COL6A1: variants seen among roughly 807,000 people sequenced by gnomAD.
COL6A1 encodes the protein collagen alpha-1(VI) chain.
A neutral mutation model predicts 145.6 loss-of-function variants in COL6A1; 80 were observed. That is an observed-to-expected ratio of 0.55 (90% CI 0.46 to 0.66). The LOEUF (loss-of-function observed/expected upper bound fraction) is 0.66, where lower values mean the gene tolerates loss of function less well. Among genes scored for constraint, COL6A1 ranks in the 30% least tolerant of loss-of-function variants. The pLI, the probability that COL6A1 is intolerant of heterozygous loss-of-function variation, is 0.00. For synonymous variants in COL6A1, 638 were observed against 622.8 expected (o/e 1.02, Z -0.36); for missense variants, 1,364 against 1,473.8 (o/e 0.93, Z 1.22).
chr21:45,998,785 G>C, intron 24 of COL6A1, 112 bp from the exon 25 acceptor site: 1 of 1,266,132 alleles, frequency 7.9e-7, no homozygotes, highest in Non-Finnish European at 1.1e-6. Flanking sequence ...GTGTGGTGGG[G>C]GAAGGGAAGA....
intron 8 of COL6A1, 21 bp from the exon 9 acceptor site, chr21:45,989,063 T>C (rs755202611): frequency 1.9e-6 from 3 of 1,610,656 alleles, no homozygotes; most frequent in East Asian, 2.2e-5. Context: ...TGCCCCAACC[T>C]TGACCTGTTT....
intron 8 of COL6A1, among the ~76,000 whole-genome samples, chr21:45,988,759 A>G (rs889780751): frequency 5.9e-5 from 9 of 152,056 alleles, no homozygotes; most frequent in African/African-American, 2.2e-4. Flanking sequence ...AAAACCATCA[A>G]ACCCAGCAGC....
In COL6A1 at chr21:46,004,121, T is replaced by C; in HGVS notation, c.*108T>C. On this transcript the variant is annotated 3_prime_UTR_variant, in exon 35 of 35. Coordinates refer to ENST00000361866, the MANE Select transcript of COL6A1 (RefSeq NM_001848.3). ...TTCCCGACCAACCTGATTCGCTAGA[T>C]TTTTTTTAAGGAAAAGCTTGGAAAG... is the stretch of plus-strand genomic sequence containing the variant. The C allele has an allele frequency of 6.9e-7, 1 of 1,449,068 alleles. No individual in the cohort carries two copies. Among genetic ancestry groups the C allele is most frequent in the Non-Finnish European group, 9.5e-7 (1 of 1,052,270 alleles). The allele number at this position is 1,449,068 out of a possible 1,614,324, so 89.8% of individuals were successfully genotyped here.
In COL6A1 at chr21:45,986,431, G is replaced by A. The variant is rs138191621; in HGVS notation, c.429-95G>A. The A allele has an allele frequency of 1.2e-3, 1,493 of 1,273,104 alleles. 14 individuals are homozygous for A. The African/African-American group carries it at 0.018, about 16-fold the overall frequency. 78.9% of individuals were successfully genotyped at this position (1,273,104 alleles called of 1,614,324 possible). A position where few individuals can be genotyped will look rare whatever the true frequency, so the allele number is the denominator to read the frequency against. On this transcript the variant is annotated intron_variant, in intron 3 of 34. Transcript: ENST00000361866. ...TCAGCAAAGAGAGGCGGCTCCTCCCGGTGAGACAGGGACCAGCACCTCCCG... is the reference window on the plus strand; with the variant it reads ...TCAGCAAAGAGAGGCGGCTCCTCCCAGTGAGACAGGGACCAGCACCTCCCG...
chr21:45,986,697 C>T lies in COL6A1; in HGVS notation c.588+12C>T, dbSNP rs746258711. ...CACCCGACCACCTGGTAGGCACCGGCCCCCCCCGGCAGATGCCCCCAACCA... is the reference window on the plus strand; with the variant it reads ...CACCCGACCACCTGGTAGGCACCGGTCCCCCCCGGCAGATGCCCCCAACCA... On this transcript the variant is annotated intron_variant, in intron 4 of 34. Transcript: ENST00000361866. The T allele has an allele frequency of 1.3e-6, 2 of 1,513,970 alleles. No homozygotes were observed. The highest frequency in any genetic ancestry group is 8.8e-7 in the Non-Finnish European group (1 of 1,139,616). 93.8% of individuals were successfully genotyped at this position (1,513,970 alleles called of 1,614,324 possible). A position where few individuals can be genotyped will look rare whatever the true frequency, so the allele number is the denominator to read the frequency against.
rs769929543 is a variant in COL6A1 at position 45,984,384 on chromosome 21, AG to A, written c.344del (p.Ser115ThrfsTer33). 6.2e-7 allele frequency: 1 copy of A among 1,612,760 alleles called. No homozygotes were observed. Among genetic ancestry groups the A allele is most frequent in the Admixed American group, 1.7e-5 (1 of 60,026 alleles). ...RMPGGRDALK[S>X]SVDAVKYFGK... ...GCCTGGCGGCCGCGACGCACTCAAAAGCAGCGTGGACGCGGTCAAGTACTTT... is the reference window on the plus strand; with the variant it reads ...GCCTGGCGGCCGCGACGCACTCAAAACAGCGTGGACGCGGTCAAGTACTTT... On this transcript the variant is annotated frameshift_variant, in exon 3 of 35. Coordinates refer to ENST00000361866, the MANE Select transcript of COL6A1 (RefSeq NM_001848.3). LOFTEE classifies it high-confidence loss of function.
At position 46,004,283 on chromosome 21, in the gene COL6A1, C is replaced by T. The variant is rs947787003; in HGVS notation, c.*270C>T. On this transcript the variant is annotated 3_prime_UTR_variant, in exon 35 of 35. Coordinates refer to ENST00000361866, the MANE Select transcript of COL6A1 (RefSeq NM_001848.3). ...GCACAGGGCCCTCTGAGGCTCAGCC[C>T]TGAGCTGGCGTCACCTGTGCAGGGC... 5 of 547,320 alleles carry T rather than the reference C, an allele frequency of 9.1e-6. No individual in the cohort carries two copies. Among genetic ancestry groups the T allele is most frequent in the African/African-American group, 5.7e-5 (3 of 52,726 alleles). The allele number at this position is 547,320 out of a possible 1,614,324, so 33.9% of individuals were successfully genotyped here. A position where few individuals can be genotyped will look rare whatever the true frequency, so the allele number is the denominator to read the frequency against.
At chr21:45,983,582 C>G (rs2077720643) in intron 2 of COL6A1, among the ~76,000 whole-genome samples, 1 of 151,980 alleles carries the variant, frequency 6.6e-6, no homozygotes, top group African/African-American at 2.4e-5. Context: ...TTCCAGCCCA[C>G]ACCGTGCCCA....
intron 10 of COL6A1, 34 bp from the exon 11 acceptor site, chr21:45,989,718 C>T (rs2077762971): frequency 3.1e-6 from 5 of 1,613,114 alleles, no homozygotes; most frequent in Non-Finnish European, 4.2e-6. Context: ...CACTAACAAG[C>T]CTTCCTCTTC....
chr21:45,998,575 CTG>C (rs1230453538), intron 24 of COL6A1, 142 bp downstream of exon 24: 2 of 1,173,728 alleles, frequency 1.7e-6, no homozygotes, highest in Non-Finnish European at 2.4e-6. Flanking sequence ...GCCCCACTGT[CTG>C]TGGCCACAGC....
chr21:45,982,846 C>T, intron 2 of COL6A1, 83 bp downstream of exon 2: 3 of 1,571,496 alleles, frequency 1.9e-6, no homozygotes, highest in Non-Finnish European at 2.6e-6. Context: ...AACACGGGTG[C>T]GACGGCCTCA....
intron 18 of COL6A1, 57 bp from the exon 19 acceptor site, chr21:45,992,691 C>A (rs2077783526): frequency 6.6e-7 from 1 of 1,521,962 alleles, no homozygotes; most frequent in Non-Finnish European, 8.9e-7. Context: ...AGCCCCACCC[C>A]AGCTGGGTGT....
At chr21:46,002,984 G>A in intron 33 of COL6A1, 136 bp from the exon 34 acceptor site, 2 of 1,321,876 alleles carry the variant, frequency 1.5e-6, no homozygotes, top group Non-Finnish European at 2.1e-6. Context: ...TGTCCCACAG[G>A]CATCCTCCTC....
At position 46,003,798 on chromosome 21, in the gene COL6A1, G is replaced by C; in HGVS notation, c.2872G>C (p.Ala958Pro). 1 of 1,609,574 alleles carries C rather than the reference G, an allele frequency of 6.2e-7. No individual in the cohort carries two copies. Among genetic ancestry groups the C allele is most frequent in the Non-Finnish European group, 8.5e-7 (1 of 1,177,196 alleles). The change falls in exon 35 of 35, where the codon GCC becomes CCC. Residue 958 changes from alanine to proline, a missense_variant. This residue lies in a region of COL6A1 where 938 missense variants were observed against 1,003.8 expected (regional missense o/e 0.93). Coordinates refer to ENST00000361866, the MANE Select transcript of COL6A1 (RefSeq NM_001848.3). ...QGATPAAIEK[A>P]VQEAQRAGIE... Reference sequence around the variant, plus strand: ...CGCCACGCCCGCTGCCATCGAGAAGGCCGTGCAGGAAGCCCAGCGGGCAGG... The same window carrying C: ...CGCCACGCCCGCTGCCATCGAGAAGCCCGTGCAGGAAGCCCAGCGGGCAGG...
intron 3 of COL6A1, among the ~76,000 whole-genome samples, chr21:45,985,753 C>T (rs1443761281): frequency 6.6e-6 from 1 of 152,238 alleles, no homozygotes; most frequent in Non-Finnish European, 1.5e-5. Context: ...TCCCCGAGGT[C>T]GGTCTCAGAG....
chr21:45,985,610 G>A (rs1030669008), intron 3 of COL6A1, among the ~76,000 whole-genome samples: 1 of 152,220 alleles, frequency 6.6e-6, no homozygotes, highest in South Asian at 2.1e-4. Flanking sequence ...CGCAGGGGCC[G>A]CAAGCCCCGG....
chr21:46,002,437 C>G lies in COL6A1; in HGVS notation c.2250+36C>G, dbSNP rs35630596. 4.3e-6 allele frequency: 7 copies of G among 1,612,470 alleles called. No homozygotes were observed. The East Asian group carries it at 1.3e-4, about 31-fold the overall frequency. ...CACCCCCAGGCTGCACCTGCCCCGC[C>G]TAGGGCGCCCCGCCAGCCAGGGTGG... On this transcript the variant is annotated intron_variant, in intron 32 of 34. Coordinates refer to ENST00000361866, the MANE Select transcript of COL6A1 (RefSeq NM_001848.3).
At chr21:45,989,493 G>A in intron 9 of COL6A1, 115 bp from the exon 10 acceptor site, 1 of 1,071,426 alleles carries the variant, frequency 9.3e-7, no homozygotes, top group Non-Finnish European at 1.4e-6. Context: ...GTGCAGCAGG[G>A]CCCCTCTCTC....
intron 24 of COL6A1, 121 bp downstream of exon 24, chr21:45,998,554 C>A: frequency 7.4e-7 from 1 of 1,346,376 alleles, no homozygotes; most frequent in South Asian, 1.2e-5. Flanking sequence ...GGTACACAGG[C>A]ACCCACGGCT....
Sources: allele counts gnomAD v4.1 joint callset (sites outside exome capture counted in the v4.1 genomes callset), GRCh38; gene constraint gnomAD v4.1.1; regional missense constraint gnomAD v4.1.1; transcripts MANE v1.5; gene names NCBI Gene and HGNC (gene_info 2026-07-23, HGNC 2026-07-21).